Variants in NR5A2 observed in about 807,000 individuals in gnomAD.
The protein encoded by NR5A2 is CYP7A promoter-binding factor.
NR5A2 carries 26 observed loss-of-function variants against 62.7 expected under a neutral mutation model. The ratio of observed to expected loss-of-function variants is 0.41; its 90% CI spans 0.30 to 0.58. The LOEUF (loss-of-function observed/expected upper bound fraction) is 0.58, where lower values mean the gene tolerates loss of function less well. Ranked by LOEUF, NR5A2 falls within the 20% of genes least tolerant of loss-of-function variation. NR5A2 has a pLI of 0.22. For synonymous variants in NR5A2, 246 were observed against 241.7 expected (o/e 1.02, Z -0.16); for missense variants, 541 against 669.1 (o/e 0.81, Z 2.11).
chr1:200,087,417 C>T (rs1056687819), intron 5 of NR5A2, among the ~76,000 whole-genome samples: 16 of 151,702 alleles, frequency 1.1e-4, no homozygotes, highest in Non-Finnish European at 1.5e-4. Flanking sequence ...TTTTTTGAGA[C>T]GGAGTCTCAC....
chr1:200,057,664 A>C, intron 5 of NR5A2: 1 of 331,954 alleles, frequency 3.0e-6, no homozygotes, highest in Non-Finnish European at 6.1e-6. Flanking sequence ...TTTTTAGTAG[A>C]GATGGGATTT....
At chr1:200,040,211 T>A (rs1213894681) in intron 2 of NR5A2, among the ~76,000 whole-genome samples, 2 of 152,130 alleles carry the variant, frequency 1.3e-5, no homozygotes, top group Non-Finnish European at 2.9e-5. Context: ...GGCGACCCAG[T>A]CTAGGAAAGT....
intron 5 of NR5A2, among the ~76,000 whole-genome samples, chr1:200,074,756 A>AAAAAAAAAAAAAAC (rs1304164782): frequency 3.7e-4 from 51 of 137,668 alleles, no homozygotes; most frequent in African/African-American, 1.3e-3. Context: ...AAAAAAAAAA[A>AAAAAAAAAAAAAAC]CACGAGAGAA....
intron 5 of NR5A2, among the ~76,000 whole-genome samples, chr1:200,055,053 C>T (rs775671383): frequency 1.1e-4 from 16 of 151,890 alleles, no homozygotes; most frequent in Non-Finnish European, 1.6e-4. Flanking sequence ...CATGCAACCA[C>T]GCTAGCTAAT....
chr1:200,054,846 T>G (rs1662835184), intron 5 of NR5A2, among the ~76,000 whole-genome samples: 1 of 152,184 alleles, frequency 6.6e-6, no homozygotes, highest in South Asian at 2.1e-4. Flanking sequence ...ATCTCAGACT[T>G]TATTGAATCT....
intron 6 of NR5A2, among the ~76,000 whole-genome samples, chr1:200,117,706 AT>A (rs766043240): frequency 6.6e-6 from 1 of 150,694 alleles, no homozygotes; most frequent in Non-Finnish European, 1.5e-5. Context: ...TTAACTAGTG[AT>A]TTTTTTTTCT....
At chr1:200,052,790 T>C (rs11809309) in intron 5 of NR5A2, among the ~76,000 whole-genome samples, 2,439 of 151,150 alleles carry the variant, frequency 0.016, 30 homozygotes, top group African/African-American at 0.033. Context: ...TACAGGTGCC[T>C]GCCACCACGC....
At chr1:200,078,383 T>G (rs1047408251) in intron 5 of NR5A2, among the ~76,000 whole-genome samples, 1 of 152,174 alleles carries the variant, frequency 6.6e-6, no homozygotes, top group Non-Finnish European at 1.5e-5. Context: ...CAAGACTGAT[T>G]GTTTGTAGTT....
intron 7 of NR5A2, among the ~76,000 whole-genome samples, chr1:200,169,001 A>G (rs987869618): frequency 1.3e-5 from 2 of 152,174 alleles, no homozygotes; most frequent in Non-Finnish European, 2.9e-5. Context: ...TCTATGTGCA[A>G]AACGGTACCT....
chr1:200,134,678 G>A (rs1470298992), intron 7 of NR5A2, among the ~76,000 whole-genome samples: 1 of 152,160 alleles, frequency 6.6e-6, no homozygotes, highest in Non-Finnish European at 1.5e-5. Context: ...TCCTTTCTCT[G>A]TACCATTTAT....
chr1:200,058,973 G>T (rs1242411592), intron 5 of NR5A2, among the ~76,000 whole-genome samples: 1 of 151,676 alleles, frequency 6.6e-6, no homozygotes, highest in Non-Finnish European at 1.5e-5. Context: ...AGCCCGGCGT[G>T]GTGGCACTTG....
At chr1:200,104,716 G>A (rs1193081316) in intron 5 of NR5A2, among the ~76,000 whole-genome samples, 1 of 152,116 alleles carries the variant, frequency 6.6e-6, no homozygotes, top group Non-Finnish European at 1.5e-5. Flanking sequence ...AGGCTGGAGC[G>A]CAGTGGCGCG....
intron 5 of NR5A2, among the ~76,000 whole-genome samples, chr1:200,081,006 G>A (rs1027516087): frequency 6.6e-6 from 1 of 152,214 alleles, no homozygotes; most frequent in African/African-American, 2.4e-5. Flanking sequence ...CAAGAAGACT[G>A]GAGAGGCATG....
chr1:200,155,025 A>T (rs544523786), intron 7 of NR5A2, among the ~76,000 whole-genome samples: 23 of 152,252 alleles, frequency 1.5e-4, no homozygotes, highest in Non-Finnish European at 5.9e-5. Context: ...CTAAGATTCA[A>T]TAAAGCTTCA....
intron 7 of NR5A2, among the ~76,000 whole-genome samples, chr1:200,143,638 A>ATTTT (rs11285826): frequency 2.9e-5 from 3 of 103,298 alleles, no homozygotes; most frequent in African/African-American, 3.9e-5. Context: ...ATTGTTCATA[A>ATTTT]TTTTTTTTTT....
At chr1:200,143,209 T>C (rs1207283017) in intron 7 of NR5A2, among the ~76,000 whole-genome samples, 2 of 152,170 alleles carry the variant, frequency 1.3e-5, no homozygotes, top group African/African-American at 4.8e-5. Context: ...TTAGCTTCTG[T>C]CTGACTCTAT....
At chr1:200,091,148 G>C (rs1183168293) in intron 5 of NR5A2, among the ~76,000 whole-genome samples, 1 of 152,144 alleles carries the variant, frequency 6.6e-6, no homozygotes, top group Non-Finnish European at 1.5e-5. Context: ...AGCAACTCCA[G>C]TATTTGCATT....
chr1:200,144,225 T>TCACACA (rs1296091199), intron 7 of NR5A2, among the ~76,000 whole-genome samples: 2 of 39,328 alleles, frequency 5.1e-5, no homozygotes, highest in African/African-American at 1.6e-4. Flanking sequence ...TCTCTCTCTC[T>TCACACA]CTCTCTCTCA....
intron 7 of NR5A2, among the ~76,000 whole-genome samples, chr1:200,142,077 T>C (rs1466366740): frequency 1.3e-5 from 2 of 151,962 alleles, no homozygotes; most frequent in Non-Finnish European, 2.9e-5. Context: ...TTTTTCCCCC[T>C]TTTATCTCAC....
Sources: gnomAD v4.1 joint callset for allele counts (sites outside exome capture counted in the v4.1 genomes callset) on GRCh38, gnomAD v4.1.1 for gene constraint, MANE v1.5 for transcripts, NCBI Gene and HGNC (gene_info 2026-07-23, HGNC 2026-07-21) for gene names.